The following P3H1 variants were observed in gnomAD, a reference collection of about 807,000 sequenced individuals.
P3H1 encodes prolyl 3-hydroxylase 1, also known as growth suppressor 1.
A neutral mutation model predicts 84.0 loss-of-function variants in P3H1; 69 were observed. The ratio of observed to expected loss-of-function variants is 0.82; its 90% CI spans 0.68 to 1.00. The LOEUF (loss-of-function observed/expected upper bound fraction) is 1.00, where lower values mean the gene tolerates loss of function less well. P3H1 is among the 50% of genes least tolerant of loss of function. The pLI, the probability that P3H1 is intolerant of heterozygous loss-of-function variation, is 0.00. For missense variants in P3H1, 878 were observed against 962.8 expected, an observed-to-expected ratio of 0.91 and a Z score of 1.17; for synonymous variants, 366 against 388.8, an observed-to-expected ratio of 0.94 and a Z score of 0.69.
In P3H1 at chr1:42,759,436, C is replaced by A. The variant is rs566863263; in HGVS notation, c.619-46G>T. ...TCAAATGCAGGCCACAGAGGAGGAA[C>A]CCTCTCTCCTTGCCCTCAGCCACCT... On this transcript the variant is annotated intron_variant, in intron 2 of 14. Coordinates refer to ENST00000296388, the MANE Select transcript of P3H1 (RefSeq NM_022356.4). 6 of 1,560,976 alleles carry A rather than the reference C, an allele frequency of 3.8e-6. No individual in the cohort carries two copies. In the East Asian group the frequency reaches 1.1e-4, roughly 29 times the overall value.
chr1:42,750,142 G>C, intron 11 of P3H1, 44 bp downstream of exon 11: 1 of 1,599,832 alleles, frequency 6.3e-7, no homozygotes, highest in Non-Finnish European at 8.5e-7. Flanking sequence ...CAGAGCTGAG[G>C]TACAGCATGC....
At chr1:42,749,869 C>G in intron 11 of P3H1, 1 of 384,074 alleles carries the variant, frequency 2.6e-6, no homozygotes. Flanking sequence ...AAACCCTAAC[C>G]CGGAGGCAGG....
intron 11 of P3H1, chr1:42,748,759 T>G: frequency 3.6e-6 from 1 of 279,600 alleles, no homozygotes; most frequent in Non-Finnish European, 7.1e-6. Context: ...AGGGAAAGCA[T>G]GAACTTCAGT....
At position 42,755,624 on chromosome 1, in the gene P3H1, T is replaced by C. The variant is rs1166127289; in HGVS notation, c.1094A>G (p.Tyr365Cys). The C allele has an allele frequency of 6.2e-7, 1 of 1,613,846 alleles. No homozygotes were observed. ...SIGPRESAKE[Y>C]RQRSLLEKEL... is the part of the protein sequence containing the mutation. ...TTTTTCCAGTAGGCTTCGCTGTCGG[T>C]ACTCCTTGGCACTCTGAGGGTAAAA... Residue 365 changes from tyrosine to cysteine, a missense_variant, in exon 6 of 15, where the codon TAC becomes TGC. By Grantham distance (194) the Tyr-to-Cys change is radical (BLOSUM62 -2). Coordinates refer to ENST00000296388, the MANE Select transcript of P3H1 (RefSeq NM_022356.4).
chr1:42,765,862 T>TATC (rs1038837059), intron 1 of P3H1, among the ~76,000 whole-genome samples: 4 of 151,940 alleles, frequency 2.6e-5, no homozygotes, highest in South Asian at 2.1e-4. Context: ...ATGTGCTGGC[T>TATC]ATCATCATCA....
rs1302341095 is a variant in P3H1, at chr1:42,759,427, G to A, written c.619-37C>T. On this transcript the variant is annotated intron_variant, in intron 2 of 14. Transcript: ENST00000296388. The stretch of plus-strand genomic sequence containing the variant: ...AAGGAGCACTCAAATGCAGGCCACA[G>A]AGGAGGAACCCTCTCTCCTTGCCCT... The A allele has an allele frequency of 2.5e-6, 4 of 1,594,064 alleles. No individual in the cohort carries two copies. In the South Asian group the frequency reaches 3.3e-5, roughly 13 times the overall value.
chr1:42,754,218 G>A lies in P3H1; in HGVS notation c.1345+651C>T, dbSNP rs904007946. Among the ~76,000 whole-genome samples, 8 of 152,184 alleles carry A rather than the reference G, an allele frequency of 5.3e-5. No homozygotes were observed. Among genetic ancestry groups the A allele is most frequent in the East Asian group, 1.9e-4 (1 of 5,186 alleles). ...CAGGCCAGACGGGGAAAGGGTGGGT[G>A]CAGATAGGAGGTGCCAGGGCCTGAA... On this transcript the variant is annotated intron_variant, in intron 8 of 14. Coordinates refer to ENST00000296388, the MANE Select transcript of P3H1 (RefSeq NM_022356.4). The surrounding 1 kb of genome is among the most constrained non-coding windows in gnomAD (Gnocchi z 4.0).
At chr1:42,750,738 A>G (rs1652013077) in intron 10 of P3H1, among the ~76,000 whole-genome samples, 1 of 134,994 alleles carries the variant, frequency 7.4e-6, no homozygotes, top group Non-Finnish European at 1.6e-5. Flanking sequence ...CCGGGAGGTG[A>G]GGGGCGCCTC....
chr1:42,747,165 C>T (rs777740066), intron 14 of P3H1, 107 bp downstream of exon 14: 25 of 1,614,086 alleles, frequency 1.5e-5, no homozygotes, highest in Non-Finnish European at 2.1e-5. Context: ...CCTTTCGTGT[C>T]TCAGCCACTG....
Position 42,766,830 on chromosome 1 carries a change from G to A in P3H1, c.142C>T (p.Arg48Cys), listed in dbSNP as rs772758781. 1.2e-6 allele frequency: 2 copies of A among 1,604,522 alleles called. No individual in the cohort carries two copies. The highest frequency in any genetic ancestry group is 1.7e-6 in the Non-Finnish European group (2 of 1,179,730). ...AGGACCACCCCGGGCCAGTCCCCGC[G>A]CGCGTAGGCTGCGGTCCCCTCGGCG... ...LFAEGTAAYARGDWPGVVLSM... is the reference protein window; with the variant it reads ...LFAEGTAAYACGDWPGVVLSM... Residue 48 changes from arginine to cysteine, a missense_variant, in exon 1 of 15, where the codon CGC (arginine) becomes TGC (cysteine). Coordinates refer to ENST00000296388, the MANE Select transcript of P3H1 (RefSeq NM_022356.4).
At chr1:42,748,876 C>T (rs116766557) in intron 11 of P3H1, 2,121 of 203,286 alleles carry the variant, frequency 0.01, 58 homozygotes, top group African/African-American at 0.046. Flanking sequence ...CTTTCCCCAA[C>T]GCAAACCTTT....
At chr1:42,761,089 C>T (rs1195526506) in intron 2 of P3H1, 1 of 151,754 alleles carries the variant, frequency 6.6e-6, no homozygotes, top group African/African-American at 2.4e-5. Context: ...CTCCTGCCTC[C>T]ATGTCGAGTA....
chr1:42,746,440 C>T lies in P3H1; in HGVS notation c.*257G>A, dbSNP rs6882. The T allele has an allele frequency of 0.67, 371,318 of 557,178 alleles. 124,843 individuals carry two copies. The highest frequency in any genetic ancestry group is 0.78 in the South Asian group (33,492 of 42,904). The allele number at this position is 557,178 out of a possible 1,614,324, so 34.5% of individuals were successfully genotyped here. On this transcript the variant is annotated 3_prime_UTR_variant, in exon 15 of 15. Coordinates refer to ENST00000296388, the MANE Select transcript of P3H1 (RefSeq NM_022356.4). ...AGACACTTAAGTACTGTATCGCTGT[C>T]ATGCAGCGGCCTGTGGAGGCCCCTG...
Position 42,762,258 on chromosome 1 carries a change from A to G in P3H1, c.618+65T>C, listed in dbSNP as rs755519895. The G allele has an allele frequency of 1.1e-3, 1,684 of 1,523,478 alleles. 5 individuals carry two copies. Among genetic ancestry groups the G allele is most frequent in the Middle Eastern group, 2.5e-3 (14 of 5,630 alleles). The allele number at this position is 1,523,478 out of a possible 1,614,324, so 94.4% of individuals were successfully genotyped here. A position where few individuals can be genotyped will look rare whatever the true frequency, so the allele number is the denominator to read the frequency against. On this transcript the variant is annotated intron_variant, in intron 2 of 14. Coordinates refer to ENST00000296388, the MANE Select transcript of P3H1 (RefSeq NM_022356.4). Reference sequence around the variant, plus strand: ...TGCACTCCAGCCTGGGTGACAGAGCAAGACTCTGTCTCTAAAATAAATTTA... The same window carrying G: ...TGCACTCCAGCCTGGGTGACAGAGCGAGACTCTGTCTCTAAAATAAATTTA...
chr1:42,759,071 A>T (rs991728355), intron 3 of P3H1, 88 bp from the exon 4 acceptor site: 65 of 1,587,186 alleles, frequency 4.1e-5, no homozygotes, highest in Middle Eastern at 3.3e-4. Context: ...AAATGGAAGC[A>T]ATTTTTCATC....
intron 13 of P3H1, 68 bp from the exon 14 acceptor site, chr1:42,747,480 T>A (rs1651795284): frequency 6.7e-7 from 1 of 1,495,538 alleles, no homozygotes; most frequent in Non-Finnish European, 9.2e-7. Flanking sequence ...AGAAGAGACA[T>A]GGGCTCATTA....
chr1:42,762,541 G>A (rs1314773346), intron 1 of P3H1, 66 bp from the exon 2 acceptor site: 1 of 1,559,858 alleles, frequency 6.4e-7, no homozygotes, highest in African/African-American at 1.4e-5. Flanking sequence ...GTGTCCACAT[G>A]AGCAGTCCAC....
chr1:42,756,162 A>C (rs889229432), intron 5 of P3H1, among the ~76,000 whole-genome samples: 2 of 152,200 alleles, frequency 1.3e-5, no homozygotes, highest in Admixed American at 6.5e-5. Context: ...GACATGGGAG[A>C]GCAGCGACCT....
chr1:42,766,648 G>C lies in P3H1; in HGVS notation c.324C>G (p.Ser108Arg). Reference sequence around the variant, plus strand: ...CGCGACGCAGAAGGCCCCCGAAGAAGCTCAGGTCGCGCAGGGCGGCGGCGC... The same window carrying C: ...CGCGACGCAGAAGGCCCCCGAAGAACCTCAGGTCGCGCAGGGCGGCGGCGC... ...ASGAAALRDL[S>R]FFGGLLRRAA... The change falls in exon 1 of 15, where the codon AGC (serine) becomes AGG (arginine). Residue 108 changes from serine to arginine, a missense_variant. By Grantham distance (110) the Ser-to-Arg change is moderately radical. Coordinates refer to ENST00000296388, the MANE Select transcript of P3H1 (RefSeq NM_022356.4). 6.4e-7 allele frequency: 1 copy of C among 1,572,032 alleles called. No individual in the cohort carries two copies. Among genetic ancestry groups the C allele is most frequent in the East Asian group, 2.4e-5 (1 of 42,540 alleles).
Sources: allele counts gnomAD v4.1 joint callset (sites outside exome capture counted in the v4.1 genomes callset), GRCh38; gene constraint gnomAD v4.1.1; non-coding constraint Gnocchi (gnomAD v3.1); transcripts MANE v1.5; gene names NCBI Gene and HGNC (gene_info 2026-07-23, HGNC 2026-07-21).